Variants in FERMT1 observed in about 807,000 individuals in gnomAD.
The protein encoded by FERMT1 is fermitin family homolog 1.
Under a neutral mutation model 85.3 loss-of-function variants are expected in FERMT1, and 60 were observed. The observed-to-expected ratio is 0.70, with a 90% confidence interval of 0.57 to 0.87. The LOEUF is 0.87. Ranked by LOEUF, FERMT1 falls within the 40% of genes least tolerant of loss-of-function variation. The pLI is 0.00. For synonymous variants in FERMT1, 275 were observed against 301.1 expected, an observed-to-expected ratio of 0.91 and a Z score of 0.90; for missense variants, 701 against 818.9, an observed-to-expected ratio of 0.86 and a Z score of 1.76.
At chr20:6,103,060 A>G (rs1982703122) in intron 6 of FERMT1, among the ~76,000 whole-genome samples, 1 of 152,194 alleles carries the variant, frequency 6.6e-6, no homozygotes. Context: ...TTTAATTCAC[A>G]AATTTTGAAC....
In FERMT1 at chr20:6,076,679, C is replaced by A; in HGVS notation, c.*494G>T. 1 of 330,802 alleles carries A rather than the reference C, an allele frequency of 3.0e-6. No individual in the cohort carries two copies. 20.5% of individuals were successfully genotyped at this position (330,802 alleles called of 1,614,324 possible). ...TCCAGGGAAAAAGTGTGTGTAGGAA[C>A]TCCCTCTGCCATTTTGAAAAGACAG... On this transcript the variant is annotated 3_prime_UTR_variant, in exon 15 of 15. Transcript: ENST00000217289.
At chr20:6,114,309 T>G (rs1024308907) in intron 3 of FERMT1, among the ~76,000 whole-genome samples, 1 of 152,244 alleles carries the variant, frequency 6.6e-6, no homozygotes, top group African/African-American at 2.4e-5. Context: ...TTTTCTGTTC[T>G]TCAAGGGAAA....
At chr20:6,099,645 A>T (rs559843394) in intron 6 of FERMT1, among the ~76,000 whole-genome samples, 3 of 152,112 alleles carry the variant, frequency 2.0e-5, no homozygotes, top group East Asian at 3.9e-4. Context: ...TCTTTTTGGG[A>T]TGGTAAGAAA....
At chr20:6,111,133 A>G (rs1396668786) in intron 4 of FERMT1, among the ~76,000 whole-genome samples, 2 of 152,094 alleles carry the variant, frequency 1.3e-5, no homozygotes, top group Non-Finnish European at 2.9e-5. Context: ...AATAATTCAC[A>G]GTTTTCCTAT....
chr20:6,110,479 G>T lies in FERMT1; in HGVS notation c.565C>A (p.Pro189Thr), dbSNP rs1600445656. Residue 189 changes from proline to threonine, a missense_variant, in exon 5 of 15, where the codon CCT (proline) becomes ACT (threonine). Pro to Thr is a conservative substitution (Grantham distance 38, BLOSUM62 -1). Transcript: ENST00000217289. Reference sequence around the variant, plus strand: ...GTTCCATTGATGGGGTCATATATAGGGGTCATGGTTTTACTGTATAAACCA... The same window carrying T: ...GTTCCATTGATGGGGTCATATATAGTGGTCATGGTTTTACTGTATAAACCA... Reference protein sequence around the residue: ...SPGLYSKTMTPIYDPINGTPA... With the variant: ...SPGLYSKTMTTIYDPINGTPA... 6.2e-7 allele frequency: 1 copy of T among 1,614,110 alleles called. No homozygotes were observed. Among genetic ancestry groups the T allele is most frequent in the Non-Finnish European group, 8.5e-7 (1 of 1,180,018 alleles).
intron 9 of FERMT1, among the ~76,000 whole-genome samples, chr20:6,090,591 C>T (rs1434646957): frequency 1.3e-5 from 2 of 151,786 alleles, no homozygotes; most frequent in Middle Eastern, 3.4e-3. Context: ...CACATCTCTA[C>T]AAAAAAAGAA....
chr20:6,097,765 C>A (rs2123119857), intron 6 of FERMT1, 134 bp from the exon 7 acceptor site: 1 of 727,580 alleles, frequency 1.4e-6, no homozygotes, highest in South Asian at 1.4e-5. Flanking sequence ...GAAAGGAATA[C>A]TTCTATTGTG....
At chr20:6,118,681 G>A (rs1457643405) in intron 2 of FERMT1, among the ~76,000 whole-genome samples, 1 of 152,200 alleles carries the variant, frequency 6.6e-6, no homozygotes, top group African/African-American at 2.4e-5. Context: ...GTTGACATCT[G>A]ACACGCTACA....
At chr20:6,088,935 G>A in intron 10 of FERMT1, 30 bp downstream of exon 10, 1 of 1,602,620 alleles carries the variant, frequency 6.2e-7, no homozygotes, top group Non-Finnish European at 8.5e-7. Flanking sequence ...GACTTACGAT[G>A]AGCCACAGCA....
Position 6,110,521 on chromosome 20 carries a change from A to G in FERMT1, c.533-10T>C, listed in dbSNP as rs1982918949. 1.3e-6 allele frequency: 2 copies of G among 1,598,168 alleles called. No individual in the cohort carries two copies. Among genetic ancestry groups the G allele is most frequent in the Non-Finnish European group, 1.7e-6 (2 of 1,165,344 alleles). The stretch of plus-strand genomic sequence containing the variant: ...TATAAACCAGGACTTACTGCAAGGC[A>G]GGGGGATCAAGAACTATGATATGAG... On this transcript the variant is annotated splice_polypyrimidine_tract_variant and intron_variant, in intron 4 of 14. Coordinates refer to ENST00000217289, the MANE Select transcript of FERMT1 (RefSeq NM_017671.5).
At position 6,077,343 on chromosome 20, in the gene FERMT1, C is replaced by A. The variant is rs1331533997; in HGVS notation, c.1864G>T (p.Val622Phe). Residue 622 changes from valine to phenylalanine, a missense_variant, in exon 15 of 15, where the codon GTC becomes TTC. Val to Phe is a conservative substitution (Grantham distance 50, BLOSUM62 -1). Coordinates refer to ENST00000217289, the MANE Select transcript of FERMT1 (RefSeq NM_017671.5). ...AAGACGTTTTGGTCAAACTCGATGA[C>A]CACCTGGAAGAGGAAGGCACAGAGA... is the stretch of plus-strand genomic sequence containing the variant. Reference protein sequence around the residue: ...WNVNWETRQVVIEFDQNVFTA... With the variant: ...WNVNWETRQVFIEFDQNVFTA... The A allele has an allele frequency of 2.5e-6, 4 of 1,613,924 alleles. No individual in the cohort carries two copies. The highest frequency in any genetic ancestry group is 3.4e-6 in the Non-Finnish European group (4 of 1,179,996).
In FERMT1 at chr20:6,110,403, T is replaced by G. The variant is rs770165663; in HGVS notation, c.641A>C (p.Gln214Pro). 1 of 1,614,102 alleles carries G rather than the reference T, an allele frequency of 6.2e-7. No individual in the cohort carries two copies. The highest frequency in any genetic ancestry group is 1.1e-5 in the South Asian group (1 of 91,074). Residue 214 changes from glutamine to proline, a missense_variant, in exon 5 of 15, where the codon CAA (glutamine) becomes CCA (proline). Coordinates refer to ENST00000217289, the MANE Select transcript of FERMT1 (RefSeq NM_017671.5). ...GCTGAATGCGAGGATGCTGCAGTTT[T>G]GTTCCGTCAAAGGGCTGTCACTGAA... ...TWFSDSPLTE[Q>P]NCSILAFSQP...
rs1981785370 is a variant in FERMT1, at chr20:6,075,350, TAATAGAACTGAGA to T, written c.*1810_*1822del. 6.6e-6 allele frequency: 1 copy of T among 151,864 alleles called. No individual in the cohort carries two copies. Among genetic ancestry groups the T allele is most frequent in the African/African-American group, 2.4e-5 (1 of 41,270 alleles). 9.4% of individuals were successfully genotyped at this position (151,864 alleles called of 1,614,324 possible). Reference sequence around the variant, plus strand: ...TTAAAGAACTGACTAGGTTCTAAAATAATAGAACTGAGAAATAGGACTGAGAAATGACCAACAT... The same window carrying T: ...TTAAAGAACTGACTAGGTTCTAAAATAATAGGACTGAGAAATGACCAACAT... On this transcript the variant is annotated 3_prime_UTR_variant, in exon 15 of 15. Coordinates refer to ENST00000217289, the MANE Select transcript of FERMT1 (RefSeq NM_017671.5).
chr20:6,107,357 C>T (rs181809578), intron 6 of FERMT1, among the ~76,000 whole-genome samples, 175 bp downstream of exon 6: 103 of 152,308 alleles, frequency 6.8e-4, no homozygotes, highest in African/African-American at 2.0e-3. Context: ...TGCTCAGTAG[C>T]GACCAAAGGA....
chr20:6,097,999 A>G (rs1052521296), intron 6 of FERMT1, among the ~76,000 whole-genome samples: 1 of 151,896 alleles, frequency 6.6e-6, no homozygotes, highest in East Asian at 1.9e-4. Context: ...GTTTTTTTGT[A>G]GAGATGGTTT....
At chr20:6,086,762 G>A (rs1982198802) in intron 11 of FERMT1, among the ~76,000 whole-genome samples, 1 of 152,152 alleles carries the variant, frequency 6.6e-6, no homozygotes, top group Admixed American at 6.5e-5. Flanking sequence ...CTGTCACAAT[G>A]TGAAGATGTG....
rs1261290156 is a variant in FERMT1, at chr20:6,075,888, C to G, written c.*1285G>C. 6.6e-6 allele frequency: 1 copy of G among 152,392 alleles called. No individual in the cohort carries two copies. Among genetic ancestry groups the G allele is most frequent in the East Asian group, 1.9e-4 (1 of 5,344 alleles). The allele number at this position is 152,392 out of a possible 1,614,324, so 9.4% of individuals were successfully genotyped here. ...CTTCTGGTATTGCTTTTGACCTTCT[C>G]AAAACCCACCCCTCCCACCTCTAAC... On this transcript the variant is annotated 3_prime_UTR_variant, in exon 15 of 15. Coordinates refer to ENST00000217289, the MANE Select transcript of FERMT1 (RefSeq NM_017671.5).
intron 1 of FERMT1, among the ~76,000 whole-genome samples, chr20:6,121,845 G>T (rs548709236): frequency 6.6e-6 from 1 of 152,156 alleles, no homozygotes; most frequent in Admixed American, 6.5e-5. Context: ...CTCAAACTAC[G>T]TGAACTAAAT....
Position 6,075,116 on chromosome 20 carries a change from C to T in FERMT1, c.*2057G>A, listed in dbSNP as rs1267695128. On this transcript the variant is annotated 3_prime_UTR_variant, in exon 15 of 15. Coordinates refer to ENST00000217289, the MANE Select transcript of FERMT1 (RefSeq NM_017671.5). ...GTTGCTGTGTGTCATGGAAGAAACGCTCCCCTGAAAACTGTAACCAAACAA... is the reference window on the plus strand; with the variant it reads ...GTTGCTGTGTGTCATGGAAGAAACGTTCCCCTGAAAACTGTAACCAAACAA... 2 of 150,020 alleles carry T rather than the reference C, an allele frequency of 1.3e-5. No individual in the cohort carries two copies. The highest frequency in any genetic ancestry group is 4.2e-4 in the South Asian group (2 of 4,746). The allele number at this position is 150,020 out of a possible 1,614,324, so 9.3% of individuals were successfully genotyped here. A position where few individuals can be genotyped will look rare whatever the true frequency, so the allele number is the denominator to read the frequency against.
Sources: gnomAD v4.1 joint callset for allele counts (sites outside exome capture counted in the v4.1 genomes callset) on GRCh38, gnomAD v4.1.1 for gene constraint, MANE v1.5 for transcripts, NCBI Gene and HGNC (gene_info 2026-07-23, HGNC 2026-07-21) for gene names.